Variants in ALK observed in about 807,000 individuals in gnomAD.
The protein encoded by ALK is ALK tyrosine kinase receptor.
A neutral mutation model predicts 163.1 loss-of-function variants in ALK; 74 were observed. The observed-to-expected ratio is 0.45, with a 90% confidence interval of 0.38 to 0.55. The LOEUF is 0.55. ALK is among the 20% of genes least tolerant of loss of function. ALK has a pLI of 0.00. For synonymous variants in ALK, 960 were observed against 843.2 expected (o/e 1.14, Z -2.40); for missense variants, 2,063 against 2,105.3 (o/e 0.98, Z 0.39).
At chr2:29,249,319 T>G (rs1288328333) in intron 12 of ALK, among the ~76,000 whole-genome samples, 2 of 152,122 alleles carry the variant, frequency 1.3e-5, no homozygotes, top group African/African-American at 4.8e-5. Flanking sequence ...CCTGTGCGCC[T>G]CCCAGCGCCT....
At position 29,920,479 on chromosome 2, in the gene ALK, G is replaced by A. The variant is rs1284647992; in HGVS notation, c.181C>T (p.Pro61Ser). ...RKSLAVDFVV[P>S]SLFRVYARDL... ...CGGGCGTAGACACGGAAGAGCGAGG[G>A]CACCACGAAGTCAACTGCCAGACTC... The change falls in exon 1 of 29, where the codon CCC becomes TCC. Residue 61 changes from proline to serine, a missense_variant. By Grantham distance (74) the Pro-to-Ser change is moderately conservative. This residue lies in a region of ALK where 987 missense variants were observed against 939.5 expected (regional missense o/e 1.05). Transcript: ENST00000389048. 6 of 1,613,062 alleles carry A rather than the reference G, an allele frequency of 3.7e-6. No individual in the cohort carries two copies. The highest frequency in any genetic ancestry group is 5.1e-6 in the Non-Finnish European group (6 of 1,179,660).
intron 4 of ALK, among the ~76,000 whole-genome samples, chr2:29,510,757 C>G (rs777809316): frequency 2.0e-5 from 3 of 152,086 alleles, no homozygotes; most frequent in Non-Finnish European, 4.4e-5. Flanking sequence ...AGGTGGGACA[C>G]TGGAGTTTTA....
chr2:29,496,665 C>T (rs975768852), intron 4 of ALK, among the ~76,000 whole-genome samples: 9 of 152,164 alleles, frequency 5.9e-5, no homozygotes, highest in Admixed American at 5.9e-4. Flanking sequence ...TCACTTACTT[C>T]AGGTTGTATA....
Position 29,694,910 on chromosome 2 carries a change from C to T in ALK, c.892G>A (p.Ala298Thr), listed in dbSNP as rs577240830. ...CCATCCAGCAAGTCCATCTGGGAGGCCTCCTCGGAGGGGATGCGGCGCCAG... is the reference window on the plus strand; with the variant it reads ...CCATCCAGCAAGTCCATCTGGGAGGTCTCCTCGGAGGGGATGCGGCGCCAG... ...WSWRRIPSEEASQMDLLDGPG... is the reference protein window; with the variant it reads ...WSWRRIPSEETSQMDLLDGPG... Residue 298 changes from alanine to threonine, a missense_variant, in exon 3 of 29, where the codon GCC becomes ACC. Ala to Thr is a moderately conservative substitution (Grantham distance 58, BLOSUM62 0). Around this residue, in one of 5 missense-constraint regions of ALK, gnomAD observed 987 missense variants for 939.5 expected, o/e 1.05. Coordinates refer to ENST00000389048, the MANE Select transcript of ALK (RefSeq NM_004304.5). The T allele has an allele frequency of 5.0e-6, 8 of 1,614,008 alleles. No individual in the cohort carries two copies. Among genetic ancestry groups the T allele is most frequent in the Non-Finnish European group, 6.8e-6 (8 of 1,179,996 alleles).
chr2:29,864,113 G>T (rs749769697), intron 1 of ALK, among the ~76,000 whole-genome samples: 4 of 152,156 alleles, frequency 2.6e-5, no homozygotes, highest in East Asian at 1.9e-4. Context: ...TTACCTGCTT[G>T]TCTGAGATCA....
intron 4 of ALK, among the ~76,000 whole-genome samples, chr2:29,483,829 G>A (rs1377658620): frequency 6.6e-6 from 1 of 152,086 alleles, no homozygotes; most frequent in African/African-American, 2.4e-5. Context: ...TCTTATTAAT[G>A]TTTTCATATT....
intron 3 of ALK, among the ~76,000 whole-genome samples, chr2:29,587,167 T>C (rs1674912757): frequency 6.6e-6 from 1 of 152,238 alleles, no homozygotes; most frequent in Admixed American, 6.5e-5. Context: ...AGGGGTAGGA[T>C]ATTCTCATGT....
chr2:29,278,444 G>T (rs760088675), intron 9 of ALK, among the ~76,000 whole-genome samples: 8 of 152,104 alleles, frequency 5.3e-5, no homozygotes, highest in Non-Finnish European at 1.2e-4. Flanking sequence ...GGAGGCAGAG[G>T]CAGGGGAGAC....
chr2:29,363,192 G>A (rs1668423218), intron 5 of ALK, among the ~76,000 whole-genome samples: 3 of 152,316 alleles, frequency 2.0e-5, no homozygotes, highest in South Asian at 2.1e-4. Flanking sequence ...GGGTTTCAGG[G>A]ATCTCTTCTC....
chr2:29,690,188 C>T (rs1678354424), intron 3 of ALK, among the ~76,000 whole-genome samples: 1 of 152,154 alleles, frequency 6.6e-6, no homozygotes, highest in African/African-American at 2.4e-5. Flanking sequence ...CTTAGCCACT[C>T]CAGGGCTCCA....
chr2:29,449,472 T>G (rs1475139110), intron 4 of ALK, among the ~76,000 whole-genome samples: 1 of 152,220 alleles, frequency 6.6e-6, no homozygotes, highest in Non-Finnish European at 1.5e-5. Context: ...GAGACTTGCA[T>G]GTTGGTGTCT....
chr2:29,376,464 A>G (rs1558700540), intron 5 of ALK, among the ~76,000 whole-genome samples: 2 of 152,248 alleles, frequency 1.3e-5, no homozygotes, highest in Admixed American at 6.5e-5. Context: ...ATGTTAAAGG[A>G]ACCACACCAA....
intron 5 of ALK, among the ~76,000 whole-genome samples, chr2:29,331,143 C>T (rs1667426334): frequency 6.6e-6 from 1 of 152,104 alleles, no homozygotes; most frequent in African/African-American, 2.4e-5. Context: ...CCTTTGTGGT[C>T]CCCTGGACTA....
chr2:29,828,767 G>A (rs1572413840), intron 1 of ALK, among the ~76,000 whole-genome samples: 20 of 151,254 alleles, frequency 1.3e-4, no homozygotes, highest in East Asian at 2.0e-4. Context: ...CGATTCCTCA[G>A]GGATCTAGAA....
chr2:29,225,196 C>CCAGTG (rs1663924283), intron 19 of ALK, among the ~76,000 whole-genome samples: 1 of 152,060 alleles, frequency 6.6e-6, no homozygotes, highest in Non-Finnish European at 1.5e-5. Flanking sequence ...ACTGAAGGAG[C>CCAGTG]TCCCCACCCC....
chr2:29,577,346 T>C (rs1358308562), intron 3 of ALK, among the ~76,000 whole-genome samples: 1 of 152,216 alleles, frequency 6.6e-6, no homozygotes, highest in Non-Finnish European at 1.5e-5. Context: ...GCAGATGACA[T>C]CTGTCATGGT....
chr2:29,318,880 A>C (rs1355555553), intron 7 of ALK, among the ~76,000 whole-genome samples: 1 of 152,094 alleles, frequency 6.6e-6, no homozygotes, highest in Non-Finnish European at 1.5e-5. Context: ...ATTTCATTCT[A>C]AACTGCCTGT....
chr2:29,256,367 G>A (rs1039300421), intron 11 of ALK, among the ~76,000 whole-genome samples: 3 of 152,072 alleles, frequency 2.0e-5, no homozygotes, highest in Non-Finnish European at 4.4e-5. Context: ...CAGTCACTGC[G>A]CTTTCACACA....
chr2:29,608,846 G>A (rs72862824), intron 3 of ALK, among the ~76,000 whole-genome samples: 1,925 of 152,312 alleles, frequency 0.013, 39 homozygotes, highest in African/African-American at 0.045. Flanking sequence ...CAGTATGACT[G>A]TTAAGAGCTG....
Sources: gnomAD v4.1 joint callset for allele counts (sites outside exome capture counted in the v4.1 genomes callset) on GRCh38, gnomAD v4.1.1 for gene constraint, gnomAD v4.1.1 regional missense constraint, MANE v1.5 for transcripts, NCBI Gene and HGNC (gene_info 2026-07-23, HGNC 2026-07-21) for gene names.